The following DLD variants were observed in gnomAD, a reference collection of about 807,000 sequenced individuals.
DLD encodes the protein dihydrolipoyl dehydrogenase, mitochondrial.
A neutral mutation model predicts 62.2 loss-of-function variants in DLD; 36 were observed. That is an observed-to-expected ratio of 0.58 (90% CI 0.44 to 0.76). DLD has a LOEUF of 0.76. Ranked by LOEUF, DLD falls within the 30% of genes least tolerant of loss-of-function variation. The pLI, the probability that DLD is intolerant of heterozygous loss-of-function variation, is 0.00. For synonymous variants in DLD, 204 were observed against 199.6 expected (o/e 1.02, Z -0.19); for missense variants, 541 against 608.6 (o/e 0.89, Z 1.17).
At chr7:107,905,913 C>T (rs2031995056) in intron 7 of DLD, 2 of 321,470 alleles carry the variant, frequency 6.2e-6, no homozygotes, top group Admixed American at 4.8e-5. Flanking sequence ...GGTTCCAGGA[C>T]CCCCCTTGGA....
At chr7:107,918,135 C>G (rs2032317095) in intron 12 of DLD, 74 bp downstream of exon 12, 2 of 1,558,714 alleles carry the variant, frequency 1.3e-6, no homozygotes, top group Non-Finnish European at 1.8e-6. Context: ...TATAAACCAC[C>G]TGGTGTTAGT....
intron 2 of DLD, among the ~76,000 whole-genome samples, chr7:107,900,694 A>T (rs1288309967): frequency 1.3e-5 from 2 of 152,168 alleles, no homozygotes; most frequent in Admixed American, 6.5e-5. Flanking sequence ...TTAACCTTAG[A>T]CAAGTTAATT....
chr7:107,908,902 C>T (rs2032073260), intron 8 of DLD, among the ~76,000 whole-genome samples: 1 of 152,138 alleles, frequency 6.6e-6, no homozygotes, highest in African/African-American at 2.4e-5. Context: ...CTATTTGAAT[C>T]TCCATTGTTT....
chr7:107,891,330 C>T (rs769392562), intron 1 of DLD, 41 bp downstream of exon 1: 147 of 1,612,208 alleles, frequency 9.1e-5, no homozygotes, highest in Non-Finnish European at 1.2e-4. Context: ...GCCAGAGGCA[C>T]GGAAGGTCCC....
intron 8 of DLD, 22 bp downstream of exon 8, chr7:107,906,390 C>T: frequency 6.8e-7 from 1 of 1,461,088 alleles, no homozygotes; most frequent in Non-Finnish European, 9.6e-7. Flanking sequence ...CTTTCTGCCT[C>T]TTATTACCTC....
At chr7:107,894,297 C>G (rs921243698) in intron 2 of DLD, among the ~76,000 whole-genome samples, 2 of 152,150 alleles carry the variant, frequency 1.3e-5, no homozygotes, top group African/African-American at 4.8e-5. Flanking sequence ...TTATAGAAAT[C>G]ATTATCTGGG....
At position 107,906,618 on chromosome 7, in the gene DLD, C is replaced by T. The variant is rs1481515377; in HGVS notation, c.684+250C>T. On this transcript the variant is annotated intron_variant, in intron 8 of 13. Coordinates refer to ENST00000205402, the MANE Select transcript of DLD (RefSeq NM_000108.5). ...CACCCTTCCATTTCCTAGAACTGGT[C>T]GAATTCTTTTTTAATATGACAGCCA... 3.9e-5 allele frequency among the ~76,000 whole-genome samples: 6 copies of T among 152,014 alleles called. No individual in the cohort carries two copies. The South Asian group carries it at 6.2e-4, about 16-fold the overall frequency.
chr7:107,899,367 T>TAA lies in DLD; in HGVS notation c.119-2363_119-2362dup, dbSNP rs201660164. ...TGAATTTTTGGTATTTTCTGAAGTT[T>TAA]AAAAAAAAACACCTAAGATTACATA... is the stretch of plus-strand genomic sequence containing the variant. On this transcript the variant is annotated intron_variant, in intron 2 of 13. Coordinates refer to ENST00000205402, the MANE Select transcript of DLD (RefSeq NM_000108.5). Among the ~76,000 whole-genome samples the TAA allele has an allele frequency of 2.0e-5, 3 of 149,450 alleles. No individual in the cohort carries two copies. The South Asian group carries it at 6.4e-4, about 32-fold the overall frequency.
At chr7:107,915,108 A>G (rs1018401179) in intron 8 of DLD, among the ~76,000 whole-genome samples, 1 of 152,208 alleles carries the variant, frequency 6.6e-6, no homozygotes, top group African/African-American at 2.4e-5. Context: ...GCTATTTAAA[A>G]TTGTAATCCC....
Position 107,891,201 on chromosome 7 carries a change from G to A in DLD, c.-50G>A, listed in dbSNP as rs2031558812. 6.2e-7 allele frequency: 1 copy of A among 1,611,238 alleles called. No individual in the cohort carries two copies. The highest frequency in any genetic ancestry group is 8.5e-7 in the Non-Finnish European group (1 of 1,177,588). ...GGGAGACCTTGGCGGAGCGGCGGAG[G>A]CGCCCAGCGGAGGTGAAAGTATTGG... On this transcript the variant is annotated 5_prime_UTR_variant, in exon 1 of 14. Coordinates refer to ENST00000205402, the MANE Select transcript of DLD (RefSeq NM_000108.5).
intron 1 of DLD, chr7:107,891,591 T>C (rs2031576850): frequency 5.3e-6 from 3 of 562,000 alleles, no homozygotes; most frequent in South Asian, 2.0e-5. Context: ...CGGTCACACA[T>C]AGGCCTCTAC....
Position 107,902,211 on chromosome 7 carries a change from A to G in DLD, c.199-114A>G, listed in dbSNP as rs561349487. On this transcript the variant is annotated intron_variant, in intron 3 of 13. Coordinates refer to ENST00000205402, the MANE Select transcript of DLD (RefSeq NM_000108.5). ...AAAGGACTATATATTTTAGTCTGTGAAAACATAGCCCGAATAGCTTGTTTT... is the reference window on the plus strand; with the variant it reads ...AAAGGACTATATATTTTAGTCTGTGGAAACATAGCCCGAATAGCTTGTTTT... The G allele has an allele frequency of 5.6e-5, 53 of 947,492 alleles. No homozygotes were observed. In the Middle Eastern group the frequency reaches 1.3e-3, roughly 22 times the overall value. The allele number at this position is 947,492 out of a possible 1,614,324, so 58.7% of individuals were successfully genotyped here.
rs1160897223 is a variant in DLD at position 107,906,377 on chromosome 7, T to A, written c.684+9T>A. 2 of 1,563,958 alleles carry A rather than the reference T, an allele frequency of 1.3e-6. No individual in the cohort carries two copies. The highest frequency in any genetic ancestry group is 1.8e-6 in the Non-Finnish European group (2 of 1,134,830). On this transcript the variant is annotated intron_variant, in intron 8 of 13. Transcript: ENST00000205402. ...TAATAGGTGTAGAATTGGTAAGTGT[T>A]GTCTTTCTGCCTCTTATTACCTCCT...
rs374339774 is a variant in DLD at position 107,901,722 on chromosome 7, T to C, written c.119-16T>C. 2 of 1,604,664 alleles carry C rather than the reference T, an allele frequency of 1.2e-6. No homozygotes were observed. The highest frequency in any genetic ancestry group is 1.7e-6 in the Non-Finnish European group (2 of 1,171,584). Reference sequence around the variant, plus strand: ...TAAGCAATTTACTATTTTATATCAATTTGCTTTTATCGTAGTTGATGCTGA... The same window carrying C: ...TAAGCAATTTACTATTTTATATCAACTTGCTTTTATCGTAGTTGATGCTGA... On this transcript the variant is annotated splice_polypyrimidine_tract_variant and intron_variant, in intron 2 of 13. Coordinates refer to ENST00000205402, the MANE Select transcript of DLD (RefSeq NM_000108.5).
chr7:107,896,543 TC>T (rs997415892), intron 2 of DLD, among the ~76,000 whole-genome samples: 4 of 152,168 alleles, frequency 2.6e-5, no homozygotes, highest in Admixed American at 1.3e-4. Flanking sequence ...CTATATTTCT[TC>T]TTTAGGGACC....
chr7:107,905,560 A>G (rs1047422125), intron 7 of DLD, 56 bp downstream of exon 7: 3 of 1,555,962 alleles, frequency 1.9e-6, no homozygotes, highest in East Asian at 2.2e-5. Flanking sequence ...AATACGTTTT[A>G]TAAGTTATTT....
intron 8 of DLD, among the ~76,000 whole-genome samples, chr7:107,910,376 G>A (rs1481385656): frequency 6.6e-6 from 1 of 152,056 alleles, no homozygotes; most frequent in Non-Finnish European, 1.5e-5. Context: ...TAAGCCTTGA[G>A]TCTTTTGACA....
At chr7:107,897,671 C>T (rs1163361723) in intron 2 of DLD, among the ~76,000 whole-genome samples, 6 of 151,108 alleles carry the variant, frequency 4.0e-5, no homozygotes, top group African/African-American at 9.8e-5. Context: ...TTCCACCTCC[C>T]GGGTTCAGGA....
intron 5 of DLD, 145 bp from the exon 6 acceptor site, chr7:107,904,813 T>G (rs1266873206): frequency 1.4e-6 from 1 of 694,592 alleles, no homozygotes; most frequent in Admixed American, 2.0e-5. Flanking sequence ...TTTTGTCAAC[T>G]ATAATTATAA....
Sources: gnomAD v4.1 joint callset for allele counts (sites outside exome capture counted in the v4.1 genomes callset) on GRCh38, gnomAD v4.1.1 for gene constraint, MANE v1.5 for transcripts, NCBI Gene and HGNC (gene_info 2026-07-23, HGNC 2026-07-21) for gene names.